HDAC8: variants seen among roughly 807,000 people sequenced by gnomAD.
HDAC8 encodes histone deacetylase 8, also known as histone deacetylase-like 1.
HDAC8 carries 1 observed loss-of-function variant against 32.2 expected under a neutral mutation model. The observed-to-expected ratio is 0.03, with a 90% CI of 0.01 to 0.15. The LOEUF is 0.15. Among genes scored for constraint, HDAC8 ranks in the 10% least tolerant of loss-of-function variants. The probability of loss-of-function intolerance (pLI) is 1.00; values close to 1 mark genes in which losing one functional copy is unlikely to be tolerated. For missense variants in HDAC8, 117 were observed against 300.0 expected (o/e 0.39, Z 4.51); for synonymous variants, 108 against 113.9 (o/e 0.95, Z 0.33).
intron 9 of HDAC8, among the ~76,000 whole-genome samples, chrX:72,393,340 A>G (rs1167187251): frequency 9.0e-6 from 1 of 111,594 alleles, no homozygotes; most frequent in Non-Finnish European, 1.9e-5. Context: ...CACTTAGACC[A>G]CCATATTAAA....
At chrX:72,482,225 G>A (rs1252448036) in intron 7 of HDAC8, among the ~76,000 whole-genome samples, 2 of 111,076 alleles carry the variant, frequency 1.8e-5, no homozygotes, top group Non-Finnish European at 3.8e-5. Flanking sequence ...AATGCATGAT[G>A]TTAAAAATTT....
At chrX:72,370,900 A>T (rs2044856258) in intron 9 of HDAC8, among the ~76,000 whole-genome samples, 1 of 111,707 alleles carries the variant, frequency 9.0e-6, no homozygotes, top group Admixed American at 9.5e-5. Flanking sequence ...GTCCACCCAG[A>T]TTAAGGGTGG....
intron 4 of HDAC8, among the ~76,000 whole-genome samples, chrX:72,531,770 T>C (rs782015183): frequency 1.2e-4 from 14 of 112,556 alleles, no homozygotes; most frequent in Admixed American, 1.2e-3. Context: ...TGTTTCAAGA[T>C]TCATCCATGT....
chrX:72,505,212 TAAATATCCTTTG>T (rs1423099153), intron 4 of HDAC8, among the ~76,000 whole-genome samples: 2 of 111,640 alleles, frequency 1.8e-5, no homozygotes, highest in Non-Finnish European at 3.8e-5. Flanking sequence ...ACTTTGTTGA[TAAATATCCTTTG>T]AAGCCCCAAA....
At chrX:72,469,842 C>T (rs2048116914) in intron 7 of HDAC8, among the ~76,000 whole-genome samples, 1 of 110,848 alleles carries the variant, frequency 9.0e-6, no homozygotes, top group African/African-American at 3.3e-5. Context: ...AATGAGAGGA[C>T]ATTCTTGATA....
chrX:72,454,471 A>C, intron 9 of HDAC8, among the ~76,000 whole-genome samples: 1 of 112,601 alleles, frequency 8.9e-6, no homozygotes, highest in Non-Finnish European at 1.9e-5. Flanking sequence ...ACTTAAAAAA[A>C]CTGGGTGAAA....
chrX:72,364,060 G>A (rs1280472258), intron 9 of HDAC8, among the ~76,000 whole-genome samples: 1 of 111,327 alleles, frequency 9.0e-6, no homozygotes, highest in African/African-American at 3.3e-5. Context: ...CCGGCAGGGT[G>A]GGGTCTGAGG....
chrX:72,483,672 G>A (rs1324987498), intron 7 of HDAC8, among the ~76,000 whole-genome samples: 1 of 111,752 alleles, frequency 8.9e-6, no homozygotes, highest in African/African-American at 3.3e-5. Context: ...TTGTAGGAAG[G>A]TCAGAGTGGC....
At chrX:72,381,500 C>A (rs2045266345) in intron 9 of HDAC8, among the ~76,000 whole-genome samples, 1 of 111,695 alleles carries the variant, frequency 9.0e-6, no homozygotes, top group Admixed American at 9.5e-5. Flanking sequence ...AACAACTTCT[C>A]CATCTCAAAT....
Position 72,508,085 on chromosome X carries a change from A to G in HDAC8, c.438-12817T>C, listed in dbSNP as rs782022016. Among the ~76,000 whole-genome samples the G allele has an allele frequency of 8.0e-5, 9 of 112,413 alleles. 1 individual carries two copies. In the South Asian group the frequency reaches 3.3e-3, roughly 42 times the overall value. On this transcript the variant is annotated intron_variant, in intron 4 of 10. Transcript: ENST00000373573. ...TGTTACTGGCAAAGATTTTGCAACAATCTTTTATGCCAGTACTGGTATCAG... is the reference window on the plus strand; with the variant it reads ...TGTTACTGGCAAAGATTTTGCAACAGTCTTTTATGCCAGTACTGGTATCAG...
intron 9 of HDAC8, among the ~76,000 whole-genome samples, chrX:72,458,680 G>A (rs1376622190): frequency 8.9e-6 from 1 of 111,922 alleles, no homozygotes; most frequent in Admixed American, 9.5e-5. Flanking sequence ...AAGCACTAGG[G>A]TTGGGGGCGT....
chrX:72,442,141 T>C (rs1207593917), intron 9 of HDAC8, among the ~76,000 whole-genome samples: 1 of 110,660 alleles, frequency 9.0e-6, no homozygotes, highest in Non-Finnish European at 1.9e-5. Flanking sequence ...ACTTCCCCAA[T>C]CTAGTAAGGC....
chrX:72,389,052 G>C (rs1035900243), intron 9 of HDAC8, among the ~76,000 whole-genome samples: 9 of 112,289 alleles, frequency 8.0e-5, no homozygotes, highest in Admixed American at 5.7e-4. Flanking sequence ...GCACTGTCTT[G>C]TGTAATTTTT....
At chrX:72,523,832 A>T (rs1339524997) in intron 4 of HDAC8, among the ~76,000 whole-genome samples, 3 of 111,902 alleles carry the variant, frequency 2.7e-5, no homozygotes, top group Admixed American at 9.5e-5. Flanking sequence ...CATTTTACAG[A>T]TGAGAAAATG....
chrX:72,543,279 A>ATAG (rs1309585247), intron 4 of HDAC8, among the ~76,000 whole-genome samples: 1 of 111,505 alleles, frequency 9.0e-6, no homozygotes, highest in Non-Finnish European at 1.9e-5. Flanking sequence ...ATGGAGGGGT[A>ATAG]TAGTGAGTTA....
At chrX:72,566,614 C>T (rs2051801052) in intron 4 of HDAC8, among the ~76,000 whole-genome samples, 1 of 112,155 alleles carries the variant, frequency 8.9e-6, no homozygotes. Flanking sequence ...GACCTAAGAG[C>T]ACCTAAGGTC....
intron 9 of HDAC8, among the ~76,000 whole-genome samples, chrX:72,458,763 T>C (rs1352584771): frequency 8.9e-6 from 1 of 111,823 alleles, no homozygotes; most frequent in African/African-American, 3.3e-5. Flanking sequence ...TATATTTGAA[T>C]CTCTTAACAG....
At chrX:72,355,971 T>A (rs559378001) in intron 9 of HDAC8, among the ~76,000 whole-genome samples, 6 of 112,242 alleles carry the variant, frequency 5.3e-5, no homozygotes, top group Admixed American at 1.9e-4. Flanking sequence ...AGTGGTATAA[T>A]ATTAACAATA....
chrX:72,476,221 G>A (rs1281600908), intron 7 of HDAC8, among the ~76,000 whole-genome samples: 8 of 110,006 alleles, frequency 7.3e-5, no homozygotes, highest in African/African-American at 2.6e-4. Context: ...ATTCTAATTC[G>A]AATGCAATGC....
Sources: allele counts gnomAD v4.1 joint callset (sites outside exome capture counted in the v4.1 genomes callset), GRCh38; gene constraint gnomAD v4.1.1; transcripts MANE v1.5; gene names NCBI Gene and HGNC (gene_info 2026-07-23, HGNC 2026-07-21).